C12orf42: variants seen among roughly 807,000 people sequenced by gnomAD.
C12orf42 encodes the protein chromosome 12 open reading frame 42.
Under a neutral mutation model 21.6 loss-of-function variants are expected in C12orf42, and 25 were observed. That is an observed-to-expected ratio of 1.16 (90% CI 0.84 to 1.62). The LOEUF is 1.62. C12orf42 is among the 40% of genes most tolerant of loss of function. The probability of loss-of-function intolerance (pLI) is 0.00; values close to 1 mark genes in which losing one functional copy is unlikely to be tolerated. For missense variants in C12orf42, 483 were observed against 459.3 expected, an observed-to-expected ratio of 1.05 and a Z score of -0.47; for synonymous variants, 174 against 175.0, an observed-to-expected ratio of 0.99 and a Z score of 0.05.
chr12:103,529,010 CT>C, the C12orf42 span, among the ~76,000 whole-genome samples: 1 of 152,098 alleles, frequency 6.6e-6, no homozygotes, highest in Non-Finnish European at 1.5e-5. Context: ...CATGTTGTTT[CT>C]ACCATTCAAT....
At chr12:103,099,620 A>G in the C12orf42 span, among the ~76,000 whole-genome samples, 27 of 152,342 alleles carry the variant, frequency 1.8e-4, no homozygotes, top group South Asian at 5.0e-3. Context: ...TGAAGAAAGT[A>G]TAACATCCAA....
chr12:103,532,567 T>C, the C12orf42 span, among the ~76,000 whole-genome samples: 1 of 152,202 alleles, frequency 6.6e-6, no homozygotes, highest in Admixed American at 6.5e-5. Context: ...ATTGGCAGTA[T>C]GTATCACAAG....
chr12:103,481,060 T>C (rs1954435625), intron 1 of C12orf42, among the ~76,000 whole-genome samples: 1 of 151,804 alleles, frequency 6.6e-6, no homozygotes, highest in Non-Finnish European at 1.5e-5. Context: ...AGTTTATAAT[T>C]AGCTGCATTA....
At chr12:103,507,152 ATATATAT>A in the C12orf42 span, among the ~76,000 whole-genome samples, 6 of 20,598 alleles carry the variant, frequency 2.9e-4, 1 homozygote, top group Non-Finnish European at 3.9e-4. Flanking sequence ...TATAATATAA[ATATATAT>A]ATATAATATA....
At chr12:103,161,973 T>C in the C12orf42 span, among the ~76,000 whole-genome samples, 19 of 152,344 alleles carry the variant, frequency 1.2e-4, no homozygotes, top group African/African-American at 4.3e-4. Flanking sequence ...CTTTGTGTAA[T>C]AGAATCTGTT....
At chr12:103,069,466 G>A in the C12orf42 span, among the ~76,000 whole-genome samples, 1 of 152,014 alleles carries the variant, frequency 6.6e-6, no homozygotes, top group Admixed American at 6.6e-5. Flanking sequence ...ACTTAGATTT[G>A]CCTACAATTA....
intron 4 of C12orf42, among the ~76,000 whole-genome samples, chr12:103,352,713 T>C (rs986679415): frequency 6.6e-6 from 1 of 152,142 alleles, no homozygotes; most frequent in Non-Finnish European, 1.5e-5. Flanking sequence ...CAGCATGGGT[T>C]ACAGTCACAG....
chr12:103,546,047 A>G, the C12orf42 span, among the ~76,000 whole-genome samples: 11 of 152,202 alleles, frequency 7.2e-5, no homozygotes, highest in Non-Finnish European at 1.2e-4. Context: ...TGCCTTCATG[A>G]TAACCCTGAG....
the C12orf42 span, among the ~76,000 whole-genome samples, chr12:103,179,691 C>A: frequency 2.0e-5 from 3 of 152,144 alleles, no homozygotes; most frequent in South Asian, 4.1e-4. Flanking sequence ...GGGATCAGAT[C>A]TAAATTTAGT....
the C12orf42 span, among the ~76,000 whole-genome samples, chr12:103,188,768 T>C: frequency 6.6e-6 from 1 of 152,232 alleles, no homozygotes; most frequent in African/African-American, 2.4e-5. Flanking sequence ...ATTGTAAGCT[T>C]TCTGAAAGCT....
chr12:103,382,213 T>C (rs1252932324), intron 3 of C12orf42, among the ~76,000 whole-genome samples: 2 of 152,222 alleles, frequency 1.3e-5, no homozygotes, highest in Non-Finnish European at 2.9e-5. Context: ...TAATTCTCTT[T>C]CTACTTTGGC....
At chr12:103,234,177 T>C (rs1021491593), downstream of C12orf42, among the ~76,000 whole-genome samples, 1 of 152,202 alleles carries the variant, frequency 6.6e-6, no homozygotes, top group Non-Finnish European at 1.5e-5. Flanking sequence ...GGAGTGTAAT[T>C]CTCTTTATAC....
chr12:103,460,206 C>T (rs368355995), intron 2 of C12orf42, among the ~76,000 whole-genome samples: 1 of 151,792 alleles, frequency 6.6e-6, no homozygotes, highest in Non-Finnish European at 1.5e-5. Context: ...CAATGATTCA[C>T]GGACCTTTGT....
At chr12:103,491,916 C>T (rs759037262) in intron 1 of C12orf42, among the ~76,000 whole-genome samples, 25 of 151,746 alleles carry the variant, frequency 1.6e-4, no homozygotes, top group Non-Finnish European at 3.5e-4. Flanking sequence ...CCAAACATAA[C>T]CCCCAACTTG....
chr12:103,169,197 T>TAAAA, the C12orf42 span, among the ~76,000 whole-genome samples: 4 of 133,684 alleles, frequency 3.0e-5, no homozygotes, highest in Admixed American at 7.6e-5. Context: ...AATAAATAAA[T>TAAAA]AAAATAAAGA....
chr12:103,401,181 G>A (rs550816103), intron 3 of C12orf42, among the ~76,000 whole-genome samples: 86 of 152,040 alleles, frequency 5.7e-4, no homozygotes, highest in Non-Finnish European at 5.0e-4. Flanking sequence ...ATTAGTAGAA[G>A]GTGGTACAGG....
At chr12:103,141,742 C>A in the C12orf42 span, among the ~76,000 whole-genome samples, 6 of 152,010 alleles carry the variant, frequency 3.9e-5, no homozygotes, top group Non-Finnish European at 7.4e-5. Flanking sequence ...GTTGGCCAGG[C>A]TGGTCTGGAA....
the C12orf42 span, among the ~76,000 whole-genome samples, chr12:103,143,809 G>C: frequency 6.6e-6 from 1 of 152,216 alleles, no homozygotes; most frequent in African/African-American, 2.4e-5. Context: ...CACTGATTAA[G>C]AGCCAGATGG....
At chr12:103,204,943 A>G in the C12orf42 span, among the ~76,000 whole-genome samples, 1 of 152,024 alleles carries the variant, frequency 6.6e-6, no homozygotes, top group South Asian at 2.1e-4. Context: ...AGTTAAAAAA[A>G]GGGCAAAAAC....
Sources: gnomAD v4.1 joint callset for allele counts (sites outside exome capture counted in the v4.1 genomes callset) on GRCh38, gnomAD v4.1.1 for gene constraint, MANE v1.5 for transcripts, NCBI Gene and HGNC (gene_info 2026-07-23, HGNC 2026-07-21) for gene names.